The following PPM1D variants were observed in gnomAD, a reference collection of about 807,000 sequenced individuals.
PPM1D encodes the protein protein phosphatase, Mg2+/Mn2+ dependent 1D, also known as protein phosphatase 1D.
PPM1D carries 52 observed loss-of-function variants against 58.3 expected under a neutral mutation model. That is an observed-to-expected ratio of 0.89 (90% confidence interval 0.71 to 1.12). PPM1D has a LOEUF of 1.12. PPM1D is among the 50% of genes most tolerant of loss of function. The probability of loss-of-function intolerance (pLI) is 0.00; values close to 1 mark genes in which losing one functional copy is unlikely to be tolerated. For synonymous variants in PPM1D, 278 were observed against 285.1 expected, an observed-to-expected ratio of 0.98 and a Z score of 0.25; for missense variants, 564 against 777.2, an observed-to-expected ratio of 0.73 and a Z score of 3.26.
At chr17:60,602,797 A>C (rs55677354) in intron 1 of PPM1D, among the ~76,000 whole-genome samples, 8,584 of 149,388 alleles carry the variant, frequency 0.057, 908 homozygotes, top group African/African-American at 0.2. Flanking sequence ...AAAAAAAAAA[A>C]AAAGTATGCT....
At position 60,600,575 on chromosome 17, in the gene PPM1D, C is replaced by T. The variant is rs1367540274; in HGVS notation, c.161C>T (p.Ser54Leu). The change falls in exon 1 of 6, where the codon TCG (serine) becomes TTG (leucine). Residue 54 changes from serine (S) to leucine (L), a missense_variant. Ser to Leu is a moderately radical substitution (Grantham distance 145). Coordinates refer to ENST00000305921, the MANE Select transcript of PPM1D (RefSeq NM_003620.4). The stretch of plus-strand genomic sequence containing the variant: ...TCTCAGCCGTTGCCTCCGCGGCCGT[C>T]GCCGGCCGCCCTTCCCGGCGGCGAA... ...SLSQPLPPRP[S>L]PAALPGGEVS... 1.3e-6 allele frequency: 2 copies of T among 1,552,432 alleles called. No homozygotes were observed. Among genetic ancestry groups the T allele is most frequent in the East Asian group, 2.4e-5 (1 of 41,070 alleles).
chr17:60,602,779 GAAA>G (rs34932283), intron 1 of PPM1D, among the ~76,000 whole-genome samples: 1,000 of 95,728 alleles, frequency 0.01, 7 homozygotes, highest in African/African-American at 0.021. Context: ...CTCAAAGCTT[GAAA>G]AAAAAAAAAA....
At chr17:60,604,034 C>G (rs574168798) in intron 1 of PPM1D, among the ~76,000 whole-genome samples, 1 of 152,302 alleles carries the variant, frequency 6.6e-6, no homozygotes, top group African/African-American at 2.4e-5. Context: ...ATACTTAATA[C>G]GTTAAGATCC....
chr17:60,647,764 T>C lies in PPM1D; in HGVS notation c.827-128T>C, dbSNP rs952593864. 6 of 882,946 alleles carry C rather than the reference T, an allele frequency of 6.8e-6. No homozygotes were observed. The Admixed American group carries it at 1.9e-4, about 27-fold the overall frequency. 54.7% of individuals were successfully genotyped at this position (882,946 alleles called of 1,614,324 possible). On this transcript the variant is annotated intron_variant, in intron 3 of 5. Coordinates refer to ENST00000305921, the MANE Select transcript of PPM1D (RefSeq NM_003620.4). ...TAGGAAATCTTATCATGAGAGGAGT[T>C]TGAATGTTATCAAATGCTTTTCTGC...
intron 3 of PPM1D, among the ~76,000 whole-genome samples, chr17:60,636,561 C>G (rs1446992790): frequency 6.6e-6 from 1 of 152,090 alleles, no homozygotes; most frequent in Non-Finnish European, 1.5e-5. Flanking sequence ...ATGGGATGGT[C>G]AGAGGAGGGT....
At chr17:60,662,501 T>C (rs1447670546) in intron 5 of PPM1D, 1 of 153,020 alleles carries the variant, frequency 6.5e-6, no homozygotes, top group Non-Finnish European at 1.5e-5. Flanking sequence ...TTATGAAAAA[T>C]AGAGCGATTT....
chr17:60,606,597 G>C (rs902538738), intron 1 of PPM1D, among the ~76,000 whole-genome samples: 1 of 151,928 alleles, frequency 6.6e-6, no homozygotes, highest in East Asian at 1.9e-4. Context: ...AATGTGGACT[G>C]TCTTACATTT....
intron 1 of PPM1D, among the ~76,000 whole-genome samples, chr17:60,603,205 G>A (rs1275773369): frequency 6.6e-6 from 1 of 152,080 alleles, no homozygotes; most frequent in East Asian, 1.9e-4. Context: ...TCATTGGATT[G>A]TAGTAATAGT....
chr17:60,604,103 G>A (rs1422920905), intron 1 of PPM1D, among the ~76,000 whole-genome samples: 1 of 152,168 alleles, frequency 6.6e-6, no homozygotes, highest in East Asian at 1.9e-4. Context: ...GTGACATAGT[G>A]CATTAGTTAT....
intron 5 of PPM1D, 26 bp from the exon 6 acceptor site, chr17:60,662,968 TA>T (rs1484852629): frequency 9.0e-6 from 14 of 1,559,066 alleles, no homozygotes; most frequent in Non-Finnish European, 1.1e-5. Context: ...AATTTTTTCT[TA>T]TTTGTTTTAC....
intron 3 of PPM1D, among the ~76,000 whole-genome samples, chr17:60,635,815 A>G (rs1210360268): frequency 1.3e-5 from 2 of 152,212 alleles, no homozygotes; most frequent in Non-Finnish European, 2.9e-5. Flanking sequence ...CCAGGTTATT[A>G]CAGTCCCGCT....
intron 3 of PPM1D, among the ~76,000 whole-genome samples, chr17:60,641,117 C>T (rs1435552008): frequency 6.6e-6 from 1 of 152,172 alleles, no homozygotes; most frequent in African/African-American, 2.4e-5. Context: ...GATGTATACC[C>T]ACTAACAGGA....
intron 1 of PPM1D, among the ~76,000 whole-genome samples, chr17:60,605,130 A>G (rs545703803): frequency 1.5e-4 from 23 of 152,288 alleles, no homozygotes; most frequent in Admixed American, 1.4e-3. Flanking sequence ...AAGTGAAACT[A>G]GCTTGCTTTT....
intron 2 of PPM1D, among the ~76,000 whole-genome samples, chr17:60,629,770 G>A (rs2143666272): frequency 6.6e-6 from 1 of 152,202 alleles, no homozygotes. Flanking sequence ...GGGCACAGTG[G>A]CTTACGCTTA....
In PPM1D at chr17:60,623,755, A is replaced by T; in HGVS notation, c.701+6A>T. The stretch of plus-strand genomic sequence containing the variant: ...ATCGAAGGACTTGGTGGGAGGTAAC[A>T]TTCTGTCGTTTTCTCTTTCCTCTTT... On this transcript the variant is annotated splice_donor_region_variant and intron_variant, in intron 2 of 5. Transcript: ENST00000305921. The T allele has an allele frequency of 6.2e-7, 1 of 1,613,042 alleles. No individual in the cohort carries two copies. Among genetic ancestry groups the T allele is most frequent in the Non-Finnish European group, 8.5e-7 (1 of 1,179,072 alleles).
rs143530901 is a variant in PPM1D at position 60,640,342 on chromosome 17, C to T, written c.826+6365C>T. Among the ~76,000 whole-genome samples the T allele has an allele frequency of 1.8e-3, 274 of 152,276 alleles. 1 individual carries two copies. Among genetic ancestry groups the T allele is most frequent in the African/African-American group, 6.0e-3 (250 of 41,556 alleles). ...AAGAATTGTGTCTTTATCTTAAAAA[C>T]AATTGTGAACTATAACAGAGTTGGA... On this transcript the variant is annotated intron_variant, in intron 3 of 5. Transcript: ENST00000305921.
chr17:60,636,179 C>A (rs548503175), intron 3 of PPM1D, among the ~76,000 whole-genome samples: 2 of 152,324 alleles, frequency 1.3e-5, no homozygotes, highest in South Asian at 4.1e-4. Context: ...ACCTTGCTTT[C>A]TTGATCACTT....
intron 1 of PPM1D, among the ~76,000 whole-genome samples, chr17:60,616,970 C>A (rs1190701741): frequency 6.6e-6 from 1 of 152,112 alleles, no homozygotes; most frequent in Non-Finnish European, 1.5e-5. Context: ...CTTTAGGAGA[C>A]TGAGTCTTGC....
chr17:60,644,705 A>T (rs572354956), intron 3 of PPM1D, among the ~76,000 whole-genome samples: 1 of 152,312 alleles, frequency 6.6e-6, no homozygotes, highest in South Asian at 2.1e-4. Flanking sequence ...CTGCATAAAA[A>T]ATCCCAGATA....
Sources: allele counts gnomAD v4.1 joint callset (sites outside exome capture counted in the v4.1 genomes callset), GRCh38; gene constraint gnomAD v4.1.1; transcripts MANE v1.5; gene names NCBI Gene and HGNC (gene_info 2026-07-23, HGNC 2026-07-21).